The following RSPH10B2 variants were observed in gnomAD, a reference collection of about 807,000 sequenced individuals.
RSPH10B2 encodes radial spoke head 10 homolog B2 (Chlamydomonas).
RSPH10B2 carries 9 observed loss-of-function variants against 49.0 expected under a neutral mutation model. That is an observed-to-expected ratio of 0.18 (90% CI 0.11 to 0.32). The LOEUF (loss-of-function observed/expected upper bound fraction) is 0.32, where lower values mean the gene tolerates loss of function less well. Ranked by LOEUF, RSPH10B2 falls within the 10% of genes least tolerant of loss-of-function variation. The pLI is 1.00. For synonymous variants in RSPH10B2, 35 were observed against 210.2 expected, an observed-to-expected ratio of 0.17 and a Z score of 7.21; for missense variants, 95 against 589.9, an observed-to-expected ratio of 0.16 and a Z score of 8.69.
At position 6,782,045 on chromosome 7, in the gene RSPH10B2, C is replaced by T. The variant is rs1345542062; in HGVS notation, c.1758+569C>T. On this transcript the variant is annotated intron_variant, in intron 13 of 18. Coordinates refer to ENST00000297186, the Ensembl canonical transcript of RSPH10B2. ...TCTCCTGCCTCAGCCTCCTAAGTAG[C>T]TGGGATTACAGGTGCCCGCCACCAC... Among the ~76,000 whole-genome samples the T allele has an allele frequency of 1.8e-5, 2 of 111,612 alleles. 1 individual carries two copies. Among genetic ancestry groups the T allele is most frequent in the Non-Finnish European group, 3.6e-5 (2 of 55,090 alleles). 73.2% of individuals were successfully genotyped at this position (111,612 alleles called of 152,430 possible).
chr7:6,791,492 C>T (rs1263536014), intron 16 of RSPH10B2, among the ~76,000 whole-genome samples: 33 of 144,070 alleles, frequency 2.3e-4, no homozygotes, highest in Non-Finnish European at 3.9e-4. Context: ...ACCTGTAATC[C>T]CAGCACTTTG....
In RSPH10B2 at chr7:6,793,557, T is replaced by C. The variant is rs879794625; in HGVS notation, c.2233+1560T>C. Among the ~76,000 whole-genome samples the C allele has an allele frequency of 7.7e-3, 950 of 123,852 alleles. 29 individuals carry two copies. Among genetic ancestry groups the C allele is most frequent in the Middle Eastern group, 0.011 (3 of 276 alleles). The allele number at this position is 123,852 out of a possible 152,430, so 81.3% of individuals were successfully genotyped here. A position where few individuals can be genotyped will look rare whatever the true frequency, so the allele number is the denominator to read the frequency against. Reference sequence around the variant, plus strand: ...GCATATGCCCAGTTAGGAAAATCTCTTCTCTTGGCCGGGCATGGTGGCTCA... The same window carrying C: ...GCATATGCCCAGTTAGGAAAATCTCCTCTCTTGGCCGGGCATGGTGGCTCA... On this transcript the variant is annotated intron_variant, in intron 17 of 18. Coordinates refer to ENST00000297186, the Ensembl canonical transcript of RSPH10B2.
chr7:6,776,433 ACT>A lies in RSPH10B2; in HGVS notation c.1306_1307del (p.Leu436GlyfsTer2). On this transcript the variant is annotated frameshift_variant, in exon 10 of 19. Coordinates refer to ENST00000297186, the Ensembl canonical transcript of RSPH10B2. LOFTEE classifies it high-confidence loss of function. Reference sequence around the variant, plus strand: ...TTTTACAGCAGCCTGGGATGCGGCCACTCTCTGGATAATACCTTTCTGATGAC... The same window carrying A: ...TTTTACAGCAGCCTGGGATGCGGCCACTCTGGATAATACCTTTCTGATGAC... 1 of 67,026 alleles carries A rather than the reference ACT, an allele frequency of 1.5e-5. No homozygotes were observed. The highest frequency in any genetic ancestry group is 2.3e-5 in the Non-Finnish European group (1 of 43,310). The allele number at this position is 67,026 out of a possible 1,614,324, so 4.2% of individuals were successfully genotyped here. A position where few individuals can be genotyped will look rare whatever the true frequency, so the allele number is the denominator to read the frequency against.
chr7:6,761,515 C>T (rs1468886079), intron 3 of RSPH10B2: 1 of 144,752 alleles, frequency 6.9e-6, no homozygotes, highest in African/African-American at 2.6e-5. Flanking sequence ...TGCCAGCTCC[C>T]TTCCCACGCG....
chr7:6,758,361 G>A (rs1481511532), intron 1 of RSPH10B2, among the ~76,000 whole-genome samples: 2 of 147,974 alleles, frequency 1.4e-5, no homozygotes, highest in African/African-American at 5.0e-5. Flanking sequence ...ACATGGGCAT[G>A]TTGTGTGATG....
At chr7:6,791,728 A>G (rs1260556212) in intron 16 of RSPH10B2, among the ~76,000 whole-genome samples, 176 bp from the exon 19 acceptor site, 1 of 125,786 alleles carries the variant, frequency 8.0e-6, no homozygotes, top group Non-Finnish European at 1.6e-5. Context: ...TGGGCAACAG[A>G]GCAAGACTCT....
chr7:6,785,401 C>T (rs541442015), intron 13 of RSPH10B2, among the ~76,000 whole-genome samples: 197 of 152,208 alleles, frequency 1.3e-3, no homozygotes, highest in Non-Finnish European at 8.7e-4. Flanking sequence ...TGATCCCCAA[C>T]GCCTGGGCTC....
intron 12 of RSPH10B2, 63 bp from the exon 15 acceptor site, chr7:6,781,265 T>G: frequency 7.7e-7 from 1 of 1,299,824 alleles, no homozygotes; most frequent in Non-Finnish European, 1.0e-6. Flanking sequence ...AGGATTATAT[T>G]TACTGCTATT....
At chr7:6,761,453 G>A (rs1463491198) in intron 3 of RSPH10B2, 1 of 130,466 alleles carries the variant, frequency 7.7e-6, no homozygotes, top group Non-Finnish European at 1.6e-5. Context: ...GGGGCAAGGA[G>A]GATCTCCAAG....
At position 6,781,460 on chromosome 7, in the gene RSPH10B2, T is replaced by C. The variant is rs1346349173; in HGVS notation, c.1742T>C (p.Phe581Ser). ...GAGCCTACGATGAAGATGAGACACT[T>C]CCTCTGGATGCTGAAAGTAACCACC... The change falls in exon 13 of 19, where the codon TTC (phenylalanine) becomes TCC (serine). Residue 581 changes from phenylalanine to serine, a missense_variant. Physicochemically the swap from Phe to Ser is radical, Grantham distance 155. Transcript: ENST00000297186. The C allele has an allele frequency of 1.6e-6, 2 of 1,261,760 alleles. 1 individual carries two copies. Among genetic ancestry groups the C allele is most frequent in the Non-Finnish European group, 2.1e-6 (2 of 970,022 alleles). 78.2% of individuals were successfully genotyped at this position (1,261,760 alleles called of 1,614,324 possible).
chr7:6,796,956 CTGAG>C (rs1782596305), intron 18 of RSPH10B2, 190 bp downstream of exon 20: 2 of 410,418 alleles, frequency 4.9e-6, no homozygotes, highest in Non-Finnish European at 8.2e-6. Context: ...TTGTAACTTC[CTGAG>C]TAATGGGATA....
intron 18 of RSPH10B2, among the ~76,000 whole-genome samples, chr7:6,797,102 G>A (rs1782607997): frequency 2.1e-5 from 3 of 141,934 alleles, no homozygotes; most frequent in South Asian, 2.6e-4. Flanking sequence ...TCCGCCTCCC[G>A]GGTTCAAGCG....
At chr7:6,764,395 C>G (rs1409574893) in intron 4 of RSPH10B2, among the ~76,000 whole-genome samples, 1 of 150,704 alleles carries the variant, frequency 6.6e-6, no homozygotes, top group Non-Finnish European at 1.5e-5. Context: ...GAGTCTTGCT[C>G]TGTCGCCCAG....
upstream of RSPH10B2, among the ~76,000 whole-genome samples, chr7:6,752,743 C>CT (rs1274784921): frequency 5.3e-4 from 23 of 43,326 alleles, no homozygotes; most frequent in Admixed American, 5.5e-4. Context: ...AGTGAAGGAT[C>CT]TTTTTTTTTT....
At chr7:6,781,564 CA>C (rs1781936021) in intron 13 of RSPH10B2, 88 bp downstream of exon 15, 1 of 1,234,072 alleles carries the variant, frequency 8.1e-7, no homozygotes, top group East Asian at 3.1e-5. Context: ...CTGTGATATG[CA>C]AATTATCAGG....
upstream of RSPH10B2, among the ~76,000 whole-genome samples, chr7:6,756,096 G>T (rs868514901): frequency 2.0e-5 from 3 of 150,150 alleles, no homozygotes; most frequent in Non-Finnish European, 4.4e-5. Context: ...GTGAAACCCC[G>T]TCTCTACTAA....
At chr7:6,785,315 T>C (rs1009349606) in intron 13 of RSPH10B2, among the ~76,000 whole-genome samples, 1 of 150,492 alleles carries the variant, frequency 6.6e-6, no homozygotes, top group Non-Finnish European at 1.5e-5. Context: ...TAGCTGGGAC[T>C]GCAGGCATGC....
At chr7:6,776,884 C>T (rs1421579156) in intron 10 of RSPH10B2, among the ~76,000 whole-genome samples, 2 of 125,678 alleles carry the variant, frequency 1.6e-5, no homozygotes, top group African/African-American at 6.3e-5. Flanking sequence ...CACACACACA[C>T]ACACACACAC....
intron 14 of RSPH10B2, 122 bp downstream of exon 16, chr7:6,786,178 C>CTTTTTT (rs1266902018): frequency 8.4e-5 from 12 of 142,670 alleles, no homozygotes; most frequent in Non-Finnish European, 1.2e-4. Context: ...TTCACTGATG[C>CTTTTTT]TTTTTTTTTT....
Sources: allele counts gnomAD v4.1 joint callset (sites outside exome capture counted in the v4.1 genomes callset), GRCh38; gene constraint gnomAD v4.1.1; transcripts MANE v1.5; gene names NCBI Gene and HGNC (gene_info 2026-07-23, HGNC 2026-07-21).